Variants in SCN4A observed in about 807,000 individuals in gnomAD.
SCN4A encodes sodium channel protein type 4 subunit alpha.
In SCN4A, 83 loss-of-function variants were observed where a neutral mutation model predicts 162.0. The ratio of observed to expected loss-of-function variants is 0.51; its 90% CI spans 0.43 to 0.61. The LOEUF is 0.61. Ranked by LOEUF, SCN4A falls within the 20% of genes least tolerant of loss-of-function variation. The pLI, the probability that SCN4A is intolerant of heterozygous loss-of-function variation, is 0.00. For missense variants in SCN4A, 2,196 were observed against 2,462.5 expected, an observed-to-expected ratio of 0.89 and a Z score of 2.29; for synonymous variants, 944 against 985.1, an observed-to-expected ratio of 0.96 and a Z score of 0.78.
chr17:63,945,741 A>T lies in SCN4A; in HGVS notation c.3442-103T>A. ...GACCAGGCAGAGCTGGGCATTGTCAATTAGGGAGGGCTTCCTAGAGGAGGG... is the reference window on the plus strand; with the variant it reads ...GACCAGGCAGAGCTGGGCATTGTCATTTAGGGAGGGCTTCCTAGAGGAGGG... On this transcript the variant is annotated intron_variant, in intron 18 of 23. Transcript: ENST00000435607. The surrounding 1 kb of genome is among the most constrained non-coding windows in gnomAD (Gnocchi z 4.4). 2 of 1,112,898 alleles carry T rather than the reference A, an allele frequency of 1.8e-6. No homozygotes were observed. The highest frequency in any genetic ancestry group is 2.6e-5 in the South Asian group (2 of 78,316). The allele number at this position is 1,112,898 out of a possible 1,614,324, so 68.9% of individuals were successfully genotyped here.
Position 63,941,590 on chromosome 17 carries a change from G to A in SCN4A, c.4692C>T (p.Val1564=). Residue 1564 remains valine (V), a synonymous_variant, in exon 24 of 24, where the codon GTC becomes GTT. Coordinates refer to ENST00000435607, the MANE Select transcript of SCN4A (RefSeq NM_000334.4). The surrounding 1 kb of genome is among the most constrained non-coding windows in gnomAD (Gnocchi z 6.2). ...TGGAGGGGTTGCCGCAGTCACCCTTGACACTGGTGCCCGGGTTCTCCAGGT... is the reference window on the plus strand; with the variant it reads ...TGGAGGGGTTGCCGCAGTCACCCTTAACACTGGTGCCCGGGTTCTCCAGGT... ...DPNLENPGTS[V]KGDCGNPSIG... is the part of the protein sequence containing the mutation. 3 of 1,614,094 alleles carry A rather than the reference G, an allele frequency of 1.9e-6. No individual in the cohort carries two copies. Among genetic ancestry groups the A allele is most frequent in the South Asian group, 2.2e-5 (2 of 91,078 alleles).
rs567183255 is a variant in SCN4A at position 63,942,850 on chromosome 17, C to T, written c.4264G>A (p.Val1422Met). 36 of 1,613,966 alleles carry T rather than the reference C, an allele frequency of 2.2e-5. No individual in the cohort carries two copies. In the South Asian group the frequency reaches 3.5e-4, roughly 16 times the overall value. ...FTVGWNIFDF[V>M]VVILSIVGLA... ...CCCACAATGGACAGGATGACGACCA[C>T]GAAGTCAAAGATGTTCCAGCCAACG... The change falls in exon 23 of 24, where the codon GTG becomes ATG. Residue 1422 changes from valine to methionine, a missense_variant. By Grantham distance (21) the Val-to-Met change is conservative. Coordinates refer to ENST00000435607, the MANE Select transcript of SCN4A (RefSeq NM_000334.4).
rs1598404703 is a variant in SCN4A, at chr17:63,940,952, C to T, written c.5330G>A (p.Ser1777Asn). The change falls in exon 24 of 24, where the codon AGC becomes AAC. Residue 1777 changes from serine to asparagine, a missense_variant. Transcript: ENST00000435607. Reference protein sequence around the residue: ...EKEGLLANTMSKMYGHENGNS... With the variant: ...EKEGLLANTMNKMYGHENGNS... The stretch of plus-strand genomic sequence containing the variant: ...CCCATTCTCGTGGCCATACATCTTG[C>T]TCATGGTGTTGGCAAGCAGCCCCTC... 1.2e-6 allele frequency: 2 copies of T among 1,613,920 alleles called. No homozygotes were observed. The highest frequency in any genetic ancestry group is 2.2e-5 in the East Asian group (1 of 44,876).
chr17:63,948,550 C>T, intron 16 of SCN4A, 61 bp downstream of exon 16: 1 of 1,492,636 alleles, frequency 6.7e-7, no homozygotes, highest in South Asian at 1.2e-5. Context: ...CAGGGAGCCC[C>T]AAGAGGACCT....
At chr17:63,947,513 G>A (rs1908764121) in intron 17 of SCN4A, among the ~76,000 whole-genome samples, 1 of 152,182 alleles carries the variant, frequency 6.6e-6, no homozygotes, top group Non-Finnish European at 1.5e-5. Context: ...CAGCACTTTG[G>A]GAGGCCAAGG....
In SCN4A at chr17:63,941,604, G is replaced by C. The variant is rs757538531; in HGVS notation, c.4678C>G (p.Pro1560Ala). The C allele has an allele frequency of 6.2e-7, 1 of 1,614,036 alleles. No homozygotes were observed. The highest frequency in any genetic ancestry group is 8.5e-7 in the Non-Finnish European group (1 of 1,179,968). ...PPDCDPNLEN[P>A]GTSVKGDCGN... ...CAGTCACCCTTGACACTGGTGCCCG[G>C]GTTCTCCAGGTTGGGGTCACAGTCT... Residue 1560 changes from proline to alanine, a missense_variant, in exon 24 of 24, where the codon CCG (proline) becomes GCG (alanine). By Grantham distance (27) the Pro-to-Ala change is conservative (BLOSUM62 -1). Coordinates refer to ENST00000435607, the MANE Select transcript of SCN4A (RefSeq NM_000334.4). The surrounding 1 kb of genome is among the most constrained non-coding windows in gnomAD (Gnocchi z 6.2).
Position 63,940,996 on chromosome 17 carries a change from C to A in SCN4A, c.5286G>T (p.Gly1762=), listed in dbSNP as rs1249593659. Residue 1762 remains glycine, a synonymous_variant, in exon 24 of 24, where the codon GGG becomes GGT. Transcript: ENST00000435607. The stretch of plus-strand genomic sequence containing the variant: ...GCCCCTCCTTCTCAGGGGCGTCATC[C>A]CCGCTGCCGTCGTGGCTGTGGCGGT... ...YMYRHSHDGS[G]DDAPEKEGLL... 2 of 1,613,122 alleles carry A rather than the reference C, an allele frequency of 1.2e-6. No individual in the cohort carries two copies. Among genetic ancestry groups the A allele is most frequent in the Non-Finnish European group, 1.7e-6 (2 of 1,179,130 alleles).
Position 63,972,229 on chromosome 17 carries a change from G to C in SCN4A, c.393-4C>G. On this transcript the variant is annotated splice_polypyrimidine_tract_variant and splice_region_variant and intron_variant, in intron 2 of 23. Transcript: ENST00000435607. The surrounding 1 kb of genome is among the most constrained non-coding windows in gnomAD (Gnocchi z 4.3). ...CATGATGAACATGCTGAACAGCGTG[G>C]GGCAGGGTCAAGGAAAGTGAGGAAG... 1.2e-6 allele frequency: 2 copies of C among 1,612,792 alleles called. No homozygotes were observed. The highest frequency in any genetic ancestry group is 1.7e-6 in the Non-Finnish European group (2 of 1,179,310).
chr17:63,956,898 C>T (rs757417529), intron 13 of SCN4A, among the ~76,000 whole-genome samples: 8 of 152,378 alleles, frequency 5.3e-5, no homozygotes, highest in Middle Eastern at 3.4e-3. Flanking sequence ...AGCATCACCT[C>T]GGAGCTTGTC....
At chr17:63,963,429 A>C (rs1425922550) in intron 10 of SCN4A, among the ~76,000 whole-genome samples, 1 of 152,202 alleles carries the variant, frequency 6.6e-6, no homozygotes, top group Non-Finnish European at 1.5e-5. Context: ...TTAAGACAGG[A>C]CTATATTTGT....
rs1160147367 is a variant in SCN4A at position 63,941,520 on chromosome 17, T to C, written c.4762A>G (p.Ile1588Val). The change falls in exon 24 of 24, where the codon ATC becomes GTC. Residue 1588 changes from isoleucine (I) to valine (V), a missense_variant. By Grantham distance (29) the Ile-to-Val change is conservative. Coordinates refer to ENST00000435607, the MANE Select transcript of SCN4A (RefSeq NM_000334.4). This position sits in a 1 kb window ranked among gnomAD's most constrained non-coding sequence, Gnocchi z 6.2. ...ATGGCGATGTACATGTTGACCACGA[T>C]GAGGAAGGAGATGATGATATAGCTG... ...FCSYIIISFL[I>V]VVNMYIAIIL... 1 of 1,613,904 alleles carries C rather than the reference T, an allele frequency of 6.2e-7. No homozygotes were observed. The highest frequency in any genetic ancestry group is 1.1e-5 in the South Asian group (1 of 91,060).
chr17:63,964,410 C>T lies in SCN4A; in HGVS notation c.1452+58G>A. ...CCCCCCAGGGAGAAGCCAGTGGCAGCCCCGGCTGAGGGCAGGTAGAACCCT... is the reference window on the plus strand; with the variant it reads ...CCCCCCAGGGAGAAGCCAGTGGCAGTCCCGGCTGAGGGCAGGTAGAACCCT... On this transcript the variant is annotated intron_variant, in intron 9 of 23. Coordinates refer to ENST00000435607, the MANE Select transcript of SCN4A (RefSeq NM_000334.4). The T allele has an allele frequency of 4.6e-6, 7 of 1,521,010 alleles. No individual in the cohort carries two copies. In the South Asian group the frequency reaches 5.7e-5, roughly 12 times the overall value. The allele number at this position is 1,521,010 out of a possible 1,614,324, so 94.2% of individuals were successfully genotyped here.
chr17:63,942,040 G>T, intron 23 of SCN4A, 47 bp from the exon 24 acceptor site: 1 of 1,511,506 alleles, frequency 6.6e-7, no homozygotes, highest in Non-Finnish European at 8.9e-7. Context: ...GAGGGGGGCC[G>T]GCACAGGGTG....
intron 16 of SCN4A, among the ~76,000 whole-genome samples, 170 bp downstream of exon 16, chr17:63,948,441 T>TCAGCA (rs1908798155): frequency 1.3e-5 from 2 of 152,146 alleles, no homozygotes. Flanking sequence ...TGTTAGAAAG[T>TCAGCA]CAGCACATCC....
rs121908552 is a variant in SCN4A at position 63,964,587 on chromosome 17, C to G, written c.1333G>C (p.Val445Leu). 3.7e-6 allele frequency: 6 copies of G among 1,613,634 alleles called. No individual in the cohort carries two copies. Among genetic ancestry groups the G allele is most frequent in the Non-Finnish European group, 5.1e-6 (6 of 1,179,738 alleles). The change falls in exon 9 of 24, where the codon GTG becomes CTG. Residue 445 changes from valine to leucine, a missense_variant. Coordinates refer to ENST00000435607, the MANE Select transcript of SCN4A (RefSeq NM_000334.4). ...SFYLINLILAVVAMAYAEQNE... is the reference protein window; with the variant it reads ...SFYLINLILALVAMAYAEQNE... ...TGCTCGGCATATGCCATGGCCACCACGGCCAGGATCAGATTGATGAGGTAG... is the reference window on the plus strand; with the variant it reads ...TGCTCGGCATATGCCATGGCCACCAGGGCCAGGATCAGATTGATGAGGTAG...
chr17:63,968,120 G>A lies in SCN4A; in HGVS notation c.939C>T (p.Tyr313=), dbSNP rs761930114. 90 of 1,613,658 alleles carry A rather than the reference G, an allele frequency of 5.6e-5. No homozygotes were observed. Among genetic ancestry groups the A allele is most frequent in the Non-Finnish European group, 6.5e-5 (77 of 1,179,844 alleles). Residue 313 remains tyrosine (Y), a synonymous_variant, in exon 6 of 24, where the codon TAC becomes TAT. Coordinates refer to ENST00000435607, the MANE Select transcript of SCN4A (RefSeq NM_000334.4). The part of the protein sequence containing the change: ...NDTWYGNEMW[Y]GNDSWYANDT... ...CGTTGGCATACCATGAGTCATTGCCGTACCACATCTCATTGCCATACCATG... is the reference window on the plus strand; with the variant it reads ...CGTTGGCATACCATGAGTCATTGCCATACCACATCTCATTGCCATACCATG...
At position 63,972,705 on chromosome 17, in the gene SCN4A, T is replaced by C. The variant is rs1909654912; in HGVS notation, c.137A>G (p.Glu46Gly). Residue 46 changes from glutamate (E) to glycine (G), a missense_variant, in exon 1 of 24, where the codon GAG (glutamate) becomes GGG (glycine). By Grantham distance (98) the Glu-to-Gly change is moderately conservative. Coordinates refer to ENST00000435607, the MANE Select transcript of SCN4A (RefSeq NM_000334.4). This position sits in a 1 kb window ranked among gnomAD's most constrained non-coding sequence, Gnocchi z 4.3. ...EARLQRNKQM[E>G]IEEPERKPRS... Reference sequence around the variant, plus strand: ...TGGCTTCCGTTCGGGCTCCTCAATCTCCATCTGCTTATTCCGCTGCAGCCG... The same window carrying C: ...TGGCTTCCGTTCGGGCTCCTCAATCCCCATCTGCTTATTCCGCTGCAGCCG... 2 of 1,613,712 alleles carry C rather than the reference T, an allele frequency of 1.2e-6. No individual in the cohort carries two copies. The highest frequency in any genetic ancestry group is 1.3e-5 in the African/African-American group (1 of 75,016).
intron 13 of SCN4A, among the ~76,000 whole-genome samples, chr17:63,956,407 T>G (rs1025264889): frequency 6.6e-6 from 1 of 152,196 alleles, no homozygotes; most frequent in Non-Finnish European, 1.5e-5. Context: ...CCTAGCTAAT[T>G]TTTTTCATTT....
In SCN4A at chr17:63,941,993, C is replaced by T. The variant is rs1460318249; in HGVS notation, c.4289G>A (p.Gly1430Asp). ...DFVVVILSIV[G>D]LALSDLIQKY... ...CTGGATCAGGTCAGAGAGGGCAAGG[C>T]CTGCGGGGAGAAGCTAGTGAGGACG... Residue 1430 changes from glycine (G) to aspartate (D), a missense_variant and splice_region_variant, in exon 24 of 24, where the codon GGC becomes GAC. Gly to Asp is a moderately conservative substitution (Grantham distance 94, BLOSUM62 -1). Transcript: ENST00000435607. This position sits in a 1 kb window ranked among gnomAD's most constrained non-coding sequence, Gnocchi z 6.2. The T allele has an allele frequency of 6.4e-7, 1 of 1,561,956 alleles. No homozygotes were observed. Among genetic ancestry groups the T allele is most frequent in the Non-Finnish European group, 8.7e-7 (1 of 1,151,294 alleles).
Sources: allele counts gnomAD v4.1 joint callset (sites outside exome capture counted in the v4.1 genomes callset), GRCh38; gene constraint gnomAD v4.1.1; non-coding constraint Gnocchi (gnomAD v3.1); transcripts MANE v1.5; gene names NCBI Gene and HGNC (gene_info 2026-07-23, HGNC 2026-07-21).